GNG2: variants seen among roughly 807,000 people sequenced by gnomAD.
The protein encoded by GNG2 is G protein subunit gamma 2.
In GNG2, 5 loss-of-function variants were observed where a neutral mutation model predicts 5.5. That is an observed-to-expected ratio of 0.91 (90% CI 0.48 to 1.92). The LOEUF is 1.92. Ranked by LOEUF, GNG2 falls within the 30% of genes most tolerant of loss-of-function variation. The pLI is 0.01. For synonymous variants in GNG2, 28 were observed against 32.0 expected (o/e 0.88, Z 0.42); for missense variants, 55 against 88.4 (o/e 0.62, Z 1.52).
At chr14:51,826,476 T>G (rs148034426) in intron 1 of GNG2, among the ~76,000 whole-genome samples, 2,202 of 152,248 alleles carry the variant, frequency 0.014, 26 homozygotes, top group Middle Eastern at 0.027. Flanking sequence ...ATCTGCAGAT[T>G]TTGGTATTGG....
At chr14:51,930,134 C>A (rs1887570814) in intron 2 of GNG2, among the ~76,000 whole-genome samples, 1 of 152,210 alleles carries the variant, frequency 6.6e-6, no homozygotes, top group Non-Finnish European at 1.5e-5. Context: ...AGCTGGTCTT[C>A]CAATTCCTTT....
rs190738986 is a variant in GNG2, at chr14:51,892,518, C to T, written c.-30+14861C>T. Among the ~76,000 whole-genome samples, 132 of 152,186 alleles carry T rather than the reference C, an allele frequency of 8.7e-4. 2 individuals are homozygous for T. The highest frequency in any genetic ancestry group is 3.0e-3 in the African/African-American group (125 of 41,536). ...TTTGCCATGTTGGCCAGGCTGGTCT[C>T]GAACTCCTCACTTCAAGTGATCCTC... On this transcript the variant is annotated intron_variant, in intron 2 of 3. Coordinates refer to ENST00000556766, the MANE Select transcript of GNG2 (RefSeq NM_053064.5).
intron 3 of GNG2, chr14:51,952,092 T>C (rs1497089): frequency 0.062 from 36,119 of 587,014 alleles, 2,685 homozygotes; most frequent in East Asian, 0.28. Context: ...TGAGAACCAC[T>C]GTCCTATGGG....
chr14:51,946,456 A>G (rs901900629), intron 2 of GNG2, among the ~76,000 whole-genome samples: 1 of 151,912 alleles, frequency 6.6e-6, no homozygotes, highest in African/African-American at 2.4e-5. Context: ...AGTTTAAAAG[A>G]GAAAGAAAAA....
chr14:51,903,708 G>A (rs1885714168), intron 2 of GNG2, among the ~76,000 whole-genome samples: 1 of 152,006 alleles, frequency 6.6e-6, no homozygotes, highest in Non-Finnish European at 1.5e-5. Context: ...GCATAGACCT[G>A]CACGATAAAT....
At chr14:51,948,291 G>T (rs1008768614) in intron 2 of GNG2, among the ~76,000 whole-genome samples, 1 of 152,204 alleles carries the variant, frequency 6.6e-6, no homozygotes, top group African/African-American at 2.4e-5. Context: ...AAGGAAGAGG[G>T]ATTAGAAGGC....
intron 2 of GNG2, among the ~76,000 whole-genome samples, chr14:51,907,165 C>T (rs1885985506): frequency 6.6e-6 from 1 of 152,182 alleles, no homozygotes; most frequent in South Asian, 2.1e-4. Context: ...GCCAAGTCTC[C>T]TTGGACCGAG....
chr14:51,830,404 A>G (rs1881149195), intron 2 of GNG2, among the ~76,000 whole-genome samples: 2 of 151,444 alleles, frequency 1.3e-5, no homozygotes, highest in African/African-American at 4.9e-5. Context: ...TCTAGCAAAG[A>G]CTCCTCACCT....
intron 2 of GNG2, 92 bp downstream of exon 2, chr14:51,877,749 A>C (rs1030509086): frequency 1.0e-5 from 4 of 383,126 alleles, no homozygotes; most frequent in African/African-American, 2.1e-5. Flanking sequence ...AGATGAAAGC[A>C]TGTGATGTTT....
At chr14:51,917,157 A>T (rs963732950) in intron 2 of GNG2, among the ~76,000 whole-genome samples, 2 of 152,198 alleles carry the variant, frequency 1.3e-5, no homozygotes, top group Non-Finnish European at 2.9e-5. Context: ...ATGTAAGTAC[A>T]TCCTAAGCTA....
intron 2 of GNG2, chr14:51,914,145 G>A: frequency 1.5e-6 from 1 of 686,218 alleles, no homozygotes; most frequent in Non-Finnish European, 2.7e-6. Flanking sequence ...GTTTTTGGGG[G>A]AATGGAGTCA....
intron 2 of GNG2, among the ~76,000 whole-genome samples, chr14:51,848,012 C>T (rs991695218): frequency 2.0e-5 from 3 of 147,732 alleles, no homozygotes; most frequent in Admixed American, 7.0e-5. Flanking sequence ...TGATTTCCTT[C>T]CCTCTTCACT....
In GNG2 at chr14:51,879,836, T is replaced by C. The variant is rs549049079; in HGVS notation, c.-30+2179T>C. ...CCTCCATTTAATCACATCTTTGAAG[T>C]CTCTTTATCTGTAAGGTTATGTATT... On this transcript the variant is annotated intron_variant, in intron 2 of 3. Coordinates refer to ENST00000556766, the MANE Select transcript of GNG2 (RefSeq NM_053064.5). 9.8e-4 allele frequency among the ~76,000 whole-genome samples: 150 copies of C among 152,324 alleles called. No homozygotes were observed. In the Middle Eastern group the frequency reaches 0.01, roughly 10 times the overall value.
At chr14:51,852,278 T>A (rs1881943257) in intron 2 of GNG2, among the ~76,000 whole-genome samples, 2 of 152,190 alleles carry the variant, frequency 1.3e-5, no homozygotes, top group South Asian at 4.1e-4. Context: ...CTACAGAAAC[T>A]TGACTTATCT....
intron 2 of GNG2, among the ~76,000 whole-genome samples, chr14:51,854,227 T>C (rs1882045439): frequency 6.6e-6 from 1 of 152,214 alleles, no homozygotes. Context: ...CAACAAGTTT[T>C]ACTTCGCAGA....
At chr14:51,919,264 T>C (rs900365092) in intron 2 of GNG2, among the ~76,000 whole-genome samples, 2 of 152,234 alleles carry the variant, frequency 1.3e-5, no homozygotes, top group Non-Finnish European at 2.9e-5. Flanking sequence ...GTGTTTAATA[T>C]TACTCAAAAA....
chr14:51,898,770 C>T (rs1180599484), intron 2 of GNG2, among the ~76,000 whole-genome samples: 1 of 152,228 alleles, frequency 6.6e-6, no homozygotes, highest in East Asian at 1.9e-4. Flanking sequence ...CCAACTGCTC[C>T]TGGAACCAAG....
At chr14:51,917,360 A>AATCG (rs138171181) in intron 2 of GNG2, 4,677 of 456,014 alleles carry the variant, frequency 0.01, 185 homozygotes, top group African/African-American at 0.083. Context: ...AGCACAAGAA[A>AATCG]ATCGCATCCC....
At chr14:51,951,859 A>G (rs2140286829) in intron 3 of GNG2, 2 of 701,778 alleles carry the variant, frequency 2.8e-6, no homozygotes, top group African/African-American at 1.7e-5. Context: ...CCACAAAGCT[A>G]AAATATTTAT....
Sources: allele counts gnomAD v4.1 joint callset (sites outside exome capture counted in the v4.1 genomes callset), GRCh38; gene constraint gnomAD v4.1.1; transcripts MANE v1.5; gene names NCBI Gene and HGNC (gene_info 2026-07-23, HGNC 2026-07-21).